Variants in NLGN4Y observed in about 807,000 individuals in gnomAD.
The protein encoded by NLGN4Y is neuroligin 4 Y-linked.
NLGN4Y carries 4 observed loss-of-function variants against 8.4 expected under a neutral mutation model. That is an observed-to-expected ratio of 0.48 (90% confidence interval 0.23 to 1.09). NLGN4Y has a LOEUF of 1.09. Among genes scored for constraint, NLGN4Y ranks in the 50% least tolerant of loss-of-function variants. The pLI is 0.19. For synonymous variants in NLGN4Y, 35 were observed against 75.6 expected (o/e 0.46, Z 2.78); for missense variants, 90 against 192.3 (o/e 0.47, Z 3.15).
At chrY:14,666,381 T>A in intron 2 of NLGN4Y, among the ~76,000 whole-genome samples, 1 of 33,815 alleles carries the variant, frequency 3.0e-5, no homozygotes, top group African/African-American at 1.1e-4. Context: ...CCCTACCTTC[T>A]GGTTTTTAAT....
chrY:14,844,026 T>C lies in NLGN4Y; in HGVS notation c.*2764T>C. On this transcript the variant is annotated 3_prime_UTR_variant, in exon 7 of 7. Coordinates refer to ENST00000684976, the MANE Select transcript of NLGN4Y (RefSeq NM_001365588.1). ...ATATTTTATTTACTTTTGCCATTCT[T>C]TGAATGCCTTTTTCTTTGTAAATGC... 1 of 116,451 alleles carries C rather than the reference T, an allele frequency of 8.6e-6. No homozygotes were observed. The allele number at this position is 116,451 out of a possible 400,897, so 29.0% of individuals were successfully genotyped here. A position where few individuals can be genotyped will look rare whatever the true frequency, so the allele number is the denominator to read the frequency against.
Position 14,841,349 on chromosome Y carries a change from C to A in NLGN4Y, c.*87C>A. On this transcript the variant is annotated 3_prime_UTR_variant, in exon 7 of 7. Coordinates refer to ENST00000684976, the MANE Select transcript of NLGN4Y (RefSeq NM_001365588.1). ...ATAAGGAGAAAGAAAATCTCCAAAC[C>A]AGGAATGTTTTTGTGCCACTGACTT... 2.9e-6 allele frequency: 1 copy of A among 347,597 alleles called. No homozygotes were observed. The allele number at this position is 347,597 out of a possible 400,897, so 86.7% of individuals were successfully genotyped here.
At chrY:14,595,194 G>A (rs375102498) in intron 1 of NLGN4Y, among the ~76,000 whole-genome samples, 6 of 32,796 alleles carry the variant, frequency 1.8e-4, no homozygotes, top group Admixed American at 1.1e-3. Flanking sequence ...ACATATACCC[G>A]GGTTGGGCCA....
chrY:14,785,332 C>G, intron 4 of NLGN4Y, among the ~76,000 whole-genome samples: 1 of 33,810 alleles, frequency 3.0e-5, no homozygotes, highest in African/African-American at 1.2e-4. Context: ...GTAGAAGCTC[C>G]AAGTACTTAT....
chrY:14,609,871 A>G, intron 1 of NLGN4Y, among the ~76,000 whole-genome samples: 1 of 33,068 alleles, frequency 3.0e-5, no homozygotes, highest in East Asian at 7.9e-4. Context: ...TAGTCTATTA[A>G]TTACCGCCTT....
intron 1 of NLGN4Y, among the ~76,000 whole-genome samples, chrY:14,541,193 G>T (rs2080148200): frequency 3.0e-5 from 1 of 33,364 alleles, no homozygotes; most frequent in Admixed American, 2.8e-4. Context: ...TCAAGTGGAA[G>T]AAAGGATATC....
chrY:14,552,401 G>T, intron 1 of NLGN4Y, among the ~76,000 whole-genome samples: 1 of 33,761 alleles, frequency 3.0e-5, no homozygotes, highest in Non-Finnish European at 7.3e-5. Context: ...AACAGAAAAA[G>T]AGGGAACCCT....
chrY:14,738,555 T>G, intron 4 of NLGN4Y, among the ~76,000 whole-genome samples: 1 of 32,707 alleles, frequency 3.1e-5, no homozygotes, highest in South Asian at 6.9e-4. Context: ...AGTGGAGCAT[T>G]TTGCCTCTCT....
At chrY:14,574,576 G>A in intron 1 of NLGN4Y, among the ~76,000 whole-genome samples, 1 of 33,199 alleles carries the variant, frequency 3.0e-5, no homozygotes, top group Non-Finnish European at 7.4e-5. Context: ...TTTAATTGGA[G>A]CATTTGGCCC....
intron 4 of NLGN4Y, among the ~76,000 whole-genome samples, chrY:14,778,238 T>A: frequency 3.1e-5 from 1 of 32,390 alleles, no homozygotes; most frequent in Non-Finnish European, 7.5e-5. Context: ...GAACACCAAT[T>A]CAGTCTCTTC....
chrY:14,635,562 TTTTATTTATTTATTTA>T (rs759389951), intron 2 of NLGN4Y, among the ~76,000 whole-genome samples: 2 of 26,679 alleles, frequency 7.5e-5, no homozygotes, highest in Non-Finnish European at 1.9e-4. Context: ...TTTTTTTTTG[TTTTATTTATTTATTTA>T]TTTATTTATT....
chrY:14,537,756 A>G, intron 1 of NLGN4Y, among the ~76,000 whole-genome samples: 1 of 33,065 alleles, frequency 3.0e-5, no homozygotes, highest in African/African-American at 1.2e-4. Context: ...AGTCAGTGAT[A>G]CACTCTCTAT....
chrY:14,542,924 G>C, intron 1 of NLGN4Y, among the ~76,000 whole-genome samples: 1 of 28,351 alleles, frequency 3.5e-5, no homozygotes, highest in East Asian at 9.3e-4. Context: ...AGTGCAAGTT[G>C]AACAATGAGA....
chrY:14,770,904 G>T (rs2081106064), intron 4 of NLGN4Y, among the ~76,000 whole-genome samples: 1 of 33,294 alleles, frequency 3.0e-5, no homozygotes, highest in Non-Finnish European at 7.4e-5. Flanking sequence ...ACTTCGTGAA[G>T]CATACACAAG....
chrY:14,789,692 A>G, intron 4 of NLGN4Y, among the ~76,000 whole-genome samples: 1 of 34,031 alleles, frequency 2.9e-5, no homozygotes, highest in Admixed American at 2.6e-4. Context: ...TTTAATTTAA[A>G]AGACTCAACA....
At position 14,792,840 on chromosome Y, in the gene NLGN4Y, A is replaced by AAG. The variant is rs2042990758; in HGVS notation, c.686-31337_686-31336dup. On this transcript the variant is annotated intron_variant, in intron 4 of 6. Coordinates refer to ENST00000684976, the MANE Select transcript of NLGN4Y (RefSeq NM_001365588.1). ...AAAAAAAAAATTCAACTACATGTAG[A>AAG]AGAGAGAGAGAGTGTGTGTGTGTGT... Among the ~76,000 whole-genome samples the AAG allele has an allele frequency of 6.9e-3, 62 of 8,995 alleles. No homozygotes were observed. In the South Asian group the frequency reaches 0.19, roughly 27 times the overall value. 24.1% of individuals were successfully genotyped at this position (8,995 alleles called of 37,273 possible).
intron 4 of NLGN4Y, among the ~76,000 whole-genome samples, chrY:14,794,762 A>C: frequency 2.9e-5 from 1 of 34,084 alleles, no homozygotes; most frequent in South Asian, 6.6e-4. Flanking sequence ...AGTTTTATTT[A>C]CCCAAGAACC....
At chrY:14,805,940 C>T in intron 4 of NLGN4Y, among the ~76,000 whole-genome samples, 1 of 33,872 alleles carries the variant, frequency 3.0e-5, no homozygotes, top group Non-Finnish European at 7.3e-5. Context: ...TGAGACTATC[C>T]TGACTAACAC....
At chrY:14,641,181 GA>G (rs2080589138) in intron 2 of NLGN4Y, among the ~76,000 whole-genome samples, 1 of 33,061 alleles carries the variant, frequency 3.0e-5, no homozygotes, top group Non-Finnish European at 7.4e-5. Flanking sequence ...GAAGTATTTT[GA>G]AAAATCATGT....
Sources: gnomAD v4.1 joint callset for allele counts (sites outside exome capture counted in the v4.1 genomes callset) on GRCh38, gnomAD v4.1.1 for gene constraint, MANE v1.5 for transcripts, NCBI Gene and HGNC (gene_info 2026-07-23, HGNC 2026-07-21) for gene names.